Variants in GPM6A observed in about 807,000 individuals in gnomAD.
GPM6A encodes neuronal membrane glycoprotein M6-a.
In GPM6A, 7 loss-of-function variants were observed where a neutral mutation model predicts 32.1. The ratio of observed to expected loss-of-function variants is 0.22; its 90% confidence interval spans 0.12 to 0.41. The LOEUF (loss-of-function observed/expected upper bound fraction) is 0.41. Among genes scored for constraint, GPM6A ranks in the 10% least tolerant of loss-of-function variants. GPM6A has a pLI of 1.00. For missense variants in GPM6A, 235 were observed against 347.2 expected, an observed-to-expected ratio of 0.68 and a Z score of 2.57; for synonymous variants, 130 against 123.4, an observed-to-expected ratio of 1.05 and a Z score of -0.35.
chr4:175,768,832 A>C (rs1311216031), intron 1 of GPM6A, among the ~76,000 whole-genome samples: 4 of 152,184 alleles, frequency 2.6e-5, no homozygotes, highest in Non-Finnish European at 5.9e-5. Flanking sequence ...ACGGTGGCTC[A>C]CATCTGTAAT....
intron 1 of GPM6A, among the ~76,000 whole-genome samples, chr4:175,925,335 C>G (rs1045750131): frequency 6.6e-6 from 1 of 152,082 alleles, no homozygotes; most frequent in Non-Finnish European, 1.5e-5. Flanking sequence ...TGTGAACATA[C>G]GAAGAGCTAT....
chr4:175,828,290 G>A lies in GPM6A; in HGVS notation c.-22-16041C>T, dbSNP rs557248586. Among the ~76,000 whole-genome samples, 6 of 152,242 alleles carry A rather than the reference G, an allele frequency of 3.9e-5. No individual in the cohort carries two copies. In the South Asian group the frequency reaches 1.0e-3, roughly 26 times the overall value. ...GATACAGCCTGCTAAGAAACCACAT[G>A]GAAATATTTGAAAGCACGTGAGTTT... On this transcript the variant is annotated intron_variant, in intron 1 of 7. Transcript: ENST00000280187.
chr4:175,800,089 A>G (rs544152526), intron 1 of GPM6A, among the ~76,000 whole-genome samples: 13 of 152,308 alleles, frequency 8.5e-5, no homozygotes, highest in Middle Eastern at 3.4e-3. Flanking sequence ...AGAGTACAAT[A>G]TTTTTAAAAA....
At chr4:175,686,973 A>G (rs1164579564) in intron 2 of GPM6A, among the ~76,000 whole-genome samples, 1 of 152,206 alleles carries the variant, frequency 6.6e-6, no homozygotes, top group African/African-American at 2.4e-5. Context: ...CTTCCTAAGC[A>G]CTGAAAACCA....
At chr4:175,640,338 A>G (rs1316734723) in intron 5 of GPM6A, 144 bp from the exon 6 acceptor site, 3 of 657,480 alleles carry the variant, frequency 4.6e-6, no homozygotes, top group Non-Finnish European at 8.2e-6. Context: ...ATTAAAACAG[A>G]TTATTACAAT....
intron 3 of GPM6A, among the ~76,000 whole-genome samples, chr4:175,665,782 A>T (rs1043778686): frequency 6.9e-5 from 10 of 144,328 alleles, no homozygotes; most frequent in Admixed American, 4.2e-4. Context: ...AACTCCATTT[A>T]AAAAAAAAAA....
chr4:175,635,162 G>T, intron 6 of GPM6A, 105 bp from the exon 7 acceptor site: 1 of 804,772 alleles, frequency 1.2e-6, no homozygotes, highest in Non-Finnish European at 2.0e-6. Context: ...TATAGGAAAT[G>T]TTCACATATA....
intron 2 of GPM6A, among the ~76,000 whole-genome samples, chr4:175,675,130 T>C (rs1024283300): frequency 6.6e-6 from 1 of 151,988 alleles, no homozygotes; most frequent in Non-Finnish European, 1.5e-5. Flanking sequence ...TTTGAAAACA[T>C]TCATTCCATA....
intron 1 of GPM6A, among the ~76,000 whole-genome samples, chr4:175,719,929 A>G (rs1056496209): frequency 2.0e-5 from 3 of 152,140 alleles, no homozygotes; most frequent in African/African-American, 7.2e-5. Flanking sequence ...TCCCTCATAA[A>G]TCTTTTCAAA....
At chr4:175,862,163 A>G in intron 1 of GPM6A, among the ~76,000 whole-genome samples, 1 of 152,186 alleles carries the variant, frequency 6.6e-6, no homozygotes, top group East Asian at 1.9e-4. Context: ...AAACTTTTTC[A>G]TAAGTCTCTC....
At chr4:175,637,628 T>C (rs796657638) in intron 6 of GPM6A, among the ~76,000 whole-genome samples, 1 of 298 alleles carries the variant, frequency 3.4e-3, no homozygotes, top group Non-Finnish European at 0.013. Context: ...ATATATATTA[T>C]ATATATATTA....
intron 1 of GPM6A, among the ~76,000 whole-genome samples, chr4:175,957,650 C>T (rs1235558315): frequency 1.3e-5 from 2 of 151,884 alleles, no homozygotes; most frequent in Non-Finnish European, 2.9e-5. Context: ...CACCATGGCA[C>T]GTGTATACCT....
intron 4 of GPM6A, among the ~76,000 whole-genome samples, chr4:175,644,445 T>TAC (rs1031743543): frequency 2.0e-5 from 3 of 151,812 alleles, no homozygotes; most frequent in Non-Finnish European, 2.9e-5. Flanking sequence ...TGTGTATATA[T>TAC]ACACACACAC....
intron 1 of GPM6A, among the ~76,000 whole-genome samples, chr4:175,961,827 T>A (rs964991451): frequency 6.6e-6 from 1 of 152,130 alleles, no homozygotes; most frequent in African/African-American, 2.4e-5. Flanking sequence ...AAGGCTCAAT[T>A]TCAGCCCACT....
At chr4:175,994,372 G>T in intron 1 of GPM6A, among the ~76,000 whole-genome samples, 1 of 152,296 alleles carries the variant, frequency 6.6e-6, no homozygotes, top group East Asian at 1.9e-4. Context: ...GTGCAGGCAT[G>T]CCTTAGAGGT....
chr4:175,874,970 G>GGT (rs1268075667), intron 1 of GPM6A, among the ~76,000 whole-genome samples: 7 of 152,034 alleles, frequency 4.6e-5, no homozygotes, highest in Non-Finnish European at 1.0e-4. Context: ...TTAGCCCCAA[G>GGT]GTGTGTGTGT....
intron 1 of GPM6A, among the ~76,000 whole-genome samples, chr4:175,791,498 T>C (rs535339041): frequency 2.6e-5 from 4 of 152,302 alleles, no homozygotes; most frequent in Admixed American, 2.6e-4. Flanking sequence ...TTGTAGACTG[T>C]TGGATGTATT....
chr4:175,797,669 T>G (rs1049877364), intron 1 of GPM6A, among the ~76,000 whole-genome samples: 1 of 152,146 alleles, frequency 6.6e-6, no homozygotes, highest in African/African-American at 2.4e-5. Flanking sequence ...ATCCTCCCAA[T>G]CATTTTACAA....
At chr4:175,822,967 A>G (rs1239859292) in intron 1 of GPM6A, among the ~76,000 whole-genome samples, 1 of 152,214 alleles carries the variant, frequency 6.6e-6, no homozygotes, top group Non-Finnish European at 1.5e-5. Context: ...ATAATTTTAC[A>G]AAACTGACAA....
Sources: allele counts gnomAD v4.1 joint callset (sites outside exome capture counted in the v4.1 genomes callset), GRCh38; gene constraint gnomAD v4.1.1; transcripts MANE v1.5; gene names NCBI Gene and HGNC (gene_info 2026-07-23, HGNC 2026-07-21).